Variants in UGT2B17 observed in about 807,000 individuals in gnomAD.
The protein encoded by UGT2B17 is UDP-glucuronosyltransferase 2B17.
Under a neutral mutation model 48.2 loss-of-function variants are expected in UGT2B17, and 21 were observed. The observed-to-expected ratio is 0.44, with a 90% CI of 0.31 to 0.63. UGT2B17 has a LOEUF of 0.63. UGT2B17 is among the 20% of genes least tolerant of loss of function. The pLI, the probability that UGT2B17 is intolerant of heterozygous loss-of-function variation, is 0.08. For missense variants in UGT2B17, 402 were observed against 696.1 expected (o/e 0.58, Z 4.75); for synonymous variants, 146 against 238.4 (o/e 0.61, Z 3.57).
rs1731369005 is a variant in UGT2B17, at chr4:68,576,052, G to A, written c.-166C>T. On this transcript the variant is annotated 5_prime_UTR_variant, in exon 1 of 7. Transcript: ENST00000317746. ...CTGCTACGTGTTGATCTGGTGAGGT[G>A]TTCCACTGGGGCAATTTCCTACCCA... 1.6e-5 allele frequency among the ~76,000 whole-genome samples: 2 copies of A among 125,644 alleles called. 1 individual carries two copies. Among genetic ancestry groups the A allele is most frequent in the South Asian group, 7.2e-4 (2 of 2,762 alleles). 82.4% of individuals were successfully genotyped at this position (125,644 alleles called of 152,430 possible). A position where few individuals can be genotyped will look rare whatever the true frequency, so the allele number is the denominator to read the frequency against.
In UGT2B17 at chr4:68,573,370, T is replaced by TA. The variant is rs200048532; in HGVS notation, c.-65+2580_-65+2581insT. On this transcript the variant is annotated intron_variant, in intron 1 of 6. Transcript: ENST00000317746. ...GCCTCAGGGCTGGGGCCGACATGAG[T>TA]TTTTTTTTTTTTTTTAACTCATGAA... Among the ~76,000 whole-genome samples the TA allele has an allele frequency of 3.7e-4, 40 of 109,464 alleles. 6 individuals are homozygous for TA. The highest frequency in any genetic ancestry group is 2.0e-3 in the South Asian group (5 of 2,488). The allele number at this position is 109,464 out of a possible 152,430, so 71.8% of individuals were successfully genotyped here. A position where few individuals can be genotyped will look rare whatever the true frequency, so the allele number is the denominator to read the frequency against.
chr4:68,565,761 CGA>C, intron 2 of UGT2B17, 41 bp from the exon 3 acceptor site: 5 of 1,305,360 alleles, frequency 3.8e-6, no homozygotes, highest in Non-Finnish European at 4.9e-6. Flanking sequence ...GTAGCTAACA[CGA>C]GAATTGTTAT....
chr4:68,552,401 G>C lies in UGT2B17; in HGVS notation c.1006-490C>G, dbSNP rs1730933375. On this transcript the variant is annotated intron_variant, in intron 4 of 6. Coordinates refer to ENST00000317746, the MANE Select transcript of UGT2B17 (RefSeq NM_001077.4). ...CCATGCTTCAAGTTGCTCTGCCTTT[G>C]TTTCTAGTTGTCCCCCATTTCTGGA... 1.6e-5 allele frequency among the ~76,000 whole-genome samples: 2 copies of C among 125,734 alleles called. 1 individual carries two copies. Among genetic ancestry groups the C allele is most frequent in the Non-Finnish European group, 3.4e-5 (2 of 59,284 alleles). The allele number at this position is 125,734 out of a possible 152,430, so 82.5% of individuals were successfully genotyped here.
Position 68,564,331 on chromosome 4 carries a change from C to T in UGT2B17, c.873+1241G>A, listed in dbSNP as rs1419682238. 1.8e-5 allele frequency among the ~76,000 whole-genome samples: 2 copies of T among 110,214 alleles called. 1 individual carries two copies. Among genetic ancestry groups the T allele is most frequent in the Non-Finnish European group, 3.6e-5 (2 of 55,676 alleles). 72.3% of individuals were successfully genotyped at this position (110,214 alleles called of 152,430 possible). A position where few individuals can be genotyped will look rare whatever the true frequency, so the allele number is the denominator to read the frequency against. On this transcript the variant is annotated intron_variant, in intron 3 of 6. Coordinates refer to ENST00000317746, the MANE Select transcript of UGT2B17 (RefSeq NM_001077.4). ...TGAGACAGAGTCTCACTCTGTTGCC[C>T]AGGCTGTTGTGCAATAGCATGATCT... is the stretch of plus-strand genomic sequence containing the variant.
At position 68,547,572 on chromosome 4, in the gene UGT2B17, A is replaced by G. The variant is rs576785400; in HGVS notation, c.1313+3105T>C. Reference sequence around the variant, plus strand: ...ATGGCAACAAAAGCCAAAATTGACAAATGGGATCTCATTAAACTAAAGAGC... The same window carrying G: ...ATGGCAACAAAAGCCAAAATTGACAGATGGGATCTCATTAAACTAAAGAGC... On this transcript the variant is annotated intron_variant, in intron 6 of 6. Transcript: ENST00000317746. 4.0e-3 allele frequency among the ~76,000 whole-genome samples: 508 copies of G among 125,664 alleles called. 106 individuals carry two copies. The highest frequency in any genetic ancestry group is 0.013 in the African/African-American group (468 of 36,796). The allele number at this position is 125,664 out of a possible 152,430, so 82.4% of individuals were successfully genotyped here.
intron 2 of UGT2B17, 139 bp from the exon 3 acceptor site, chr4:68,565,859 A>G (rs1731189328): frequency 1.9e-6 from 1 of 523,440 alleles, no homozygotes; most frequent in African/African-American, 2.2e-5. Context: ...CATTGATAAT[A>G]TATATAAATA....
At chr4:68,559,845 G>C (rs941148812) in intron 4 of UGT2B17, among the ~76,000 whole-genome samples, 2 of 125,560 alleles carry the variant, frequency 1.6e-5, no homozygotes, top group African/African-American at 5.5e-5. Context: ...CCTAAAAGCA[G>C]GATTCTATCT....
At position 68,562,156 on chromosome 4, in the gene UGT2B17, C is replaced by T. The variant is rs1262102325; in HGVS notation, c.874-1488G>A. Among the ~76,000 whole-genome samples the T allele has an allele frequency of 2.4e-5, 3 of 124,098 alleles. 1 individual carries two copies. 81.4% of individuals were successfully genotyped at this position (124,098 alleles called of 152,430 possible). A position where few individuals can be genotyped will look rare whatever the true frequency, so the allele number is the denominator to read the frequency against. On this transcript the variant is annotated intron_variant, in intron 3 of 6. Coordinates refer to ENST00000317746, the MANE Select transcript of UGT2B17 (RefSeq NM_001077.4). The stretch of plus-strand genomic sequence containing the variant: ...TTTGAGATGGAGTCTTGCTCTGTCA[C>T]CTAGGCTGGAGTGCAATGATGCAAT...
rs369176514 is a variant in UGT2B17, at chr4:68,568,014, A to G, written c.471T>C (p.Cys157=). The change falls in exon 2 of 7, where the codon TGT becomes TGC. Residue 157 remains cysteine, a synonymous_variant. Transcript: ENST00000317746. ...DVLLADAVNP[C]GELLAELLNI... is the part of the protein sequence containing the mutation. ...TAAGTAGCTCAGCCAGCAGCTCACCACAGGGATTAACGGCATCTGCCAGAA... is the reference window on the plus strand; with the variant it reads ...TAAGTAGCTCAGCCAGCAGCTCACCGCAGGGATTAACGGCATCTGCCAGAA... 5 of 1,382,470 alleles carry G rather than the reference A, an allele frequency of 3.6e-6. 1 individual carries two copies. 85.6% of individuals were successfully genotyped at this position (1,382,470 alleles called of 1,614,324 possible). A position where few individuals can be genotyped will look rare whatever the true frequency, so the allele number is the denominator to read the frequency against.
intron 4 of UGT2B17, among the ~76,000 whole-genome samples, chr4:68,554,971 T>C (rs1275226300): frequency 1.6e-5 from 2 of 125,774 alleles, no homozygotes; most frequent in African/African-American, 5.4e-5. Flanking sequence ...ACTGAAAATA[T>C]ATAAAAGAGC....
Position 68,567,830 on chromosome 4 carries a change from G to A in UGT2B17, c.655C>T (p.Leu219Phe), listed in dbSNP as rs143693642. Reference sequence around the variant, plus strand: ...GCTTGAAACCAAAAGTCAAAATAAAGCATATATATCATATTTTTTATCCTC... The same window carrying A: ...GCTTGAAACCAAAAGTCAAAATAAAACATATATATCATATTTTTTATCCTC... ...MERIKNMIYM[L>F]YFDFWFQAYD... Residue 219 changes from leucine to phenylalanine, a missense_variant, in exon 2 of 7, where the codon CTT becomes TTT. Leu to Phe is a conservative substitution (Grantham distance 22). Coordinates refer to ENST00000317746, the MANE Select transcript of UGT2B17 (RefSeq NM_001077.4). The A allele has an allele frequency of 8.5e-4, 1,165 of 1,371,410 alleles. 314 individuals are homozygous for A. The highest frequency in any genetic ancestry group is 9.9e-4 in the Non-Finnish European group (1,038 of 1,051,648). 85.0% of individuals were successfully genotyped at this position (1,371,410 alleles called of 1,614,324 possible).
chr4:68,561,622 G>A lies in UGT2B17; in HGVS notation c.874-954C>T, dbSNP rs1311543632. Among the ~76,000 whole-genome samples the A allele has an allele frequency of 2.5e-5, 3 of 120,730 alleles. 1 individual carries two copies. Among genetic ancestry groups the A allele is most frequent in the African/African-American group, 5.7e-5 (2 of 34,812 alleles). 79.2% of individuals were successfully genotyped at this position (120,730 alleles called of 152,430 possible). ...CCAAGCCTTTCTCCAGTGGAGATCT[G>A]CTCACCCCCTAGAGTAGCTCCCTCA... On this transcript the variant is annotated intron_variant, in intron 3 of 6. Transcript: ENST00000317746.
rs1253609045 is a variant in UGT2B17 at position 68,548,936 on chromosome 4, T to A, written c.1313+1741A>T. ...AAGGGGTTTTCTAAATATAGAATTATGTCATCTGCAAATAGAGACAATTTA... is the reference window on the plus strand; with the variant it reads ...AAGGGGTTTTCTAAATATAGAATTAAGTCATCTGCAAATAGAGACAATTTA... On this transcript the variant is annotated intron_variant, in intron 6 of 6. Transcript: ENST00000317746. Among the ~76,000 whole-genome samples, 6 of 125,592 alleles carry A rather than the reference T, an allele frequency of 4.8e-5. 2 individuals carry two copies. The highest frequency in any genetic ancestry group is 1.6e-4 in the African/African-American group (6 of 36,892). The allele number at this position is 125,592 out of a possible 152,430, so 82.4% of individuals were successfully genotyped here.
chr4:68,543,536 C>T (rs1730726646), intron 6 of UGT2B17, among the ~76,000 whole-genome samples: 1 of 125,738 alleles, frequency 8.0e-6, no homozygotes, highest in Non-Finnish European at 1.7e-5. Context: ...CTCTCCTCCT[C>T]CAAAGAAATG....
In UGT2B17 at chr4:68,567,153, C is replaced by G. The variant is rs1338447565; in HGVS notation, c.724+608G>C. ...CAGTTTAATAAAATATAGATTAAAA[C>G]TTAGATGTTCACTTTCAACAAGATT... On this transcript the variant is annotated intron_variant, in intron 2 of 6. Coordinates refer to ENST00000317746, the MANE Select transcript of UGT2B17 (RefSeq NM_001077.4). Among the ~76,000 whole-genome samples the G allele has an allele frequency of 1.6e-5, 2 of 125,584 alleles. 1 individual carries two copies. Among genetic ancestry groups the G allele is most frequent in the Non-Finnish European group, 3.4e-5 (2 of 59,470 alleles). 82.4% of individuals were successfully genotyped at this position (125,584 alleles called of 152,430 possible).
intron 6 of UGT2B17, among the ~76,000 whole-genome samples, chr4:68,540,256 A>G (rs1167028954): frequency 7.9e-6 from 1 of 127,216 alleles, no homozygotes; most frequent in Non-Finnish European, 1.7e-5. Context: ...CTTAAATAAA[A>G]GTTTTCAAAG....
chr4:68,562,306 G>T (rs1731119144), intron 3 of UGT2B17, among the ~76,000 whole-genome samples: 1 of 124,160 alleles, frequency 8.1e-6, no homozygotes, highest in Non-Finnish European at 1.7e-5. Flanking sequence ...AGTAGAGACA[G>T]GTTTCACCAT....
In UGT2B17 at chr4:68,544,351, G is replaced by C. The variant is rs1351915123; in HGVS notation, c.1313+6326C>G. Among the ~76,000 whole-genome samples the C allele has an allele frequency of 1.6e-5, 2 of 125,488 alleles. 1 individual carries two copies. The highest frequency in any genetic ancestry group is 5.5e-5 in the African/African-American group (2 of 36,682). 82.3% of individuals were successfully genotyped at this position (125,488 alleles called of 152,430 possible). A position where few individuals can be genotyped will look rare whatever the true frequency, so the allele number is the denominator to read the frequency against. On this transcript the variant is annotated intron_variant, in intron 6 of 6. Transcript: ENST00000317746. ...CAAACTAAGCTTCATAAGTGAAGGA[G>C]AAATAAAATAAAATCTCTAAGCATT...
At chr4:68,561,747 C>T (rs1377559647) in intron 3 of UGT2B17, among the ~76,000 whole-genome samples, 1 of 117,870 alleles carries the variant, frequency 8.5e-6, no homozygotes, top group Non-Finnish European at 1.7e-5. Flanking sequence ...AAACTTAAAT[C>T]CATTCTCTAA....
Sources: allele counts gnomAD v4.1 joint callset (sites outside exome capture counted in the v4.1 genomes callset), GRCh38; gene constraint gnomAD v4.1.1; transcripts MANE v1.5; gene names NCBI Gene and HGNC (gene_info 2026-07-23, HGNC 2026-07-21).